The following DNAH17 variants were observed in gnomAD, a reference collection of about 807,000 sequenced individuals.
DNAH17 encodes the protein axonemal beta dynein heavy chain 17.
DNAH17 carries 376 observed loss-of-function variants against 485.6 expected under a neutral mutation model. That is an observed-to-expected ratio of 0.77 (90% CI 0.71 to 0.84). DNAH17 has a LOEUF of 0.84. Among genes scored for constraint, DNAH17 ranks in the 40% least tolerant of loss-of-function variants. The pLI, the probability that DNAH17 is intolerant of heterozygous loss-of-function variation, is 0.00. For synonymous variants in DNAH17, 3,031 were observed against 2,405.9 expected (o/e 1.26, Z -7.60); for missense variants, 6,370 against 5,839.3 (o/e 1.09, Z -2.96).
At chr17:78,461,910 A>C (rs1386837262) in intron 57 of DNAH17, among the ~76,000 whole-genome samples, 1 of 152,118 alleles carries the variant, frequency 6.6e-6, no homozygotes, top group East Asian at 1.9e-4. Context: ...CAGGGTCACA[A>C]GTATGAGACA....
rs1283960376 is a variant in DNAH17 at position 78,459,132 on chromosome 17, A to G, written c.9730T>C (p.Trp3244Arg). ...TAGAAGCGGACGATGTTGATGCACC[A>G]GGAGCACAGGCCGGCGGCGGCCGTG... ...KSTAAAGLCS[W>R]CINIVRFYEV... Residue 3244 changes from tryptophan to arginine, a missense_variant, in exon 61 of 81, where the codon TGG becomes CGG. Transcript: ENST00000389840. The G allele has an allele frequency of 6.2e-7, 1 of 1,614,020 alleles. No individual in the cohort carries two copies. Among genetic ancestry groups the G allele is most frequent in the East Asian group, 2.2e-5 (1 of 44,892 alleles).
chr17:78,433,923 A>AGGAAGGAGGGAGGGAAGGAGAGAG lies in DNAH17; in HGVS notation c.12225+105_12225+106insCTCTCTCCTTCCCTCCCTCCTTCC. The AGGAAGGAGGGAGGGAAGGAGAGAG allele has an allele frequency of 3.0e-5, 17 of 558,060 alleles. No individual in the cohort carries two copies. In the East Asian group the frequency reaches 6.1e-4, roughly 20 times the overall value. 34.6% of individuals were successfully genotyped at this position (558,060 alleles called of 1,614,324 possible). A position where few individuals can be genotyped will look rare whatever the true frequency, so the allele number is the denominator to read the frequency against. On this transcript the variant is annotated intron_variant, in intron 75 of 80. Coordinates refer to ENST00000389840, the MANE Select transcript of DNAH17 (RefSeq NM_173628.4). Reference sequence around the variant, plus strand: ...CAAAGACCAAAAGGAAAGGGAGGGAAGGAAGGAGGGAGGGAAGGAGGGAGG... The same window carrying AGGAAGGAGGGAGGGAAGGAGAGAG: ...CAAAGACCAAAAGGAAAGGGAGGGAAGGAAGGAGGGAGGGAAGGAGAGAGGGAAGGAGGGAGGGAAGGAGGGAGG...
chr17:78,548,030 G>GTT (rs1479143902), intron 16 of DNAH17, among the ~76,000 whole-genome samples: 1 of 151,970 alleles, frequency 6.6e-6, no homozygotes, highest in Non-Finnish European at 1.5e-5. Context: ...ATTGTCCTCC[G>GTT]TTTAATATAT....
At chr17:78,444,458 C>T in intron 71 of DNAH17, 146 bp downstream of exon 71, 1 of 743,592 alleles carries the variant, frequency 1.3e-6, no homozygotes, top group Non-Finnish European at 2.1e-6. Flanking sequence ...CCTCTAAGCC[C>T]TGTTTCGTTT....
chr17:78,507,152 A>G lies in DNAH17; in HGVS notation c.4676+126T>C, dbSNP rs982444916. On this transcript the variant is annotated intron_variant, in intron 29 of 80. Coordinates refer to ENST00000389840, the MANE Select transcript of DNAH17 (RefSeq NM_173628.4). ...GCTCCCCAGGGAAAGGCAATTGATT[A>G]ACCCAGGACCCATGGTTTTGCCCTG... The G allele has an allele frequency of 4.6e-6, 5 of 1,085,056 alleles. No individual in the cohort carries two copies. The African/African-American group carries it at 7.9e-5, about 17-fold the overall frequency. 67.2% of individuals were successfully genotyped at this position (1,085,056 alleles called of 1,614,324 possible).
chr17:78,575,810 A>C (rs948630029), intron 1 of DNAH17, among the ~76,000 whole-genome samples: 1 of 152,228 alleles, frequency 6.6e-6, no homozygotes, highest in African/African-American at 2.4e-5. Flanking sequence ...ATTTAAAGAC[A>C]CACCCAAACA....
chr17:78,544,121 T>A, intron 16 of DNAH17, 124 bp from the exon 17 acceptor site: 2 of 1,365,390 alleles, frequency 1.5e-6, no homozygotes, highest in Non-Finnish European at 2.0e-6. Flanking sequence ...TGGAGTCTAG[T>A]TCTCCACGAT....
chr17:78,539,943 T>A (rs1447738415), intron 17 of DNAH17, 63 bp from the exon 18 acceptor site: 7 of 1,466,756 alleles, frequency 4.8e-6, no homozygotes, highest in Non-Finnish European at 4.5e-6. Flanking sequence ...TTGATCACAC[T>A]GTTTAGTGCC....
At chr17:78,551,499 C>A (rs1259859724) in intron 16 of DNAH17, 36 bp downstream of exon 16, 1 of 1,603,410 alleles carries the variant, frequency 6.2e-7, no homozygotes, top group Non-Finnish European at 8.5e-7. Context: ...CCCAGGCCCC[C>A]ACAAAGCCCC....
rs55669221 is a variant in DNAH17, at chr17:78,544,800, C to CAAAAAAAAAAAA, written c.2392-815_2392-804dup. 4.1e-4 allele frequency among the ~76,000 whole-genome samples: 19 copies of CAAAAAAAAAAAA among 46,876 alleles called. 1 individual carries two copies. Among genetic ancestry groups the CAAAAAAAAAAAA allele is most frequent in the African/African-American group, 1.2e-3 (12 of 10,142 alleles). 30.8% of individuals were successfully genotyped at this position (46,876 alleles called of 152,430 possible). ...TGGGGCACAGAGCGAGACTCAGTCT[C>CAAAAAAAAAAAA]AAAAAAAAAAAAAAAAAAAAAAAAG... On this transcript the variant is annotated intron_variant, in intron 16 of 80. Transcript: ENST00000389840.
At chr17:78,471,295 A>G (rs1411397229) in intron 54 of DNAH17, among the ~76,000 whole-genome samples, 2 of 152,222 alleles carry the variant, frequency 1.3e-5, no homozygotes, top group Non-Finnish European at 2.9e-5. Flanking sequence ...ACAAGCTAAG[A>G]AAAAGCAAGG....
intron 48 of DNAH17, among the ~76,000 whole-genome samples, chr17:78,483,494 G>T (rs1285367045): frequency 6.6e-6 from 1 of 152,130 alleles, no homozygotes; most frequent in Non-Finnish European, 1.5e-5. Context: ...GGTGGGCATG[G>T]TGGCAGGCAC....
At position 78,486,344 on chromosome 17, in the gene DNAH17, G is replaced by A. The variant is rs754054410; in HGVS notation, c.6981C>T (p.Tyr2327=). The A allele has an allele frequency of 1.5e-5, 25 of 1,613,902 alleles. No homozygotes were observed. Among genetic ancestry groups the A allele is most frequent in the Non-Finnish European group, 2.1e-5 (25 of 1,179,850 alleles). Residue 2327 remains tyrosine, a synonymous_variant, in exon 45 of 81, where the codon TAC becomes TAT. Transcript: ENST00000389840. ...TCTCCGTGAGCAGGCACTCCAGCAG[G>A]TACAGAATCGTTTGGATCACCGTGA... ...PEITVIQTIL[Y]LLECLLTEKT...
In DNAH17 at chr17:78,445,620, A is replaced by T. The variant is rs747369587; in HGVS notation, c.11272T>A (p.Phe3758Ile). The T allele has an allele frequency of 3.8e-6, 6 of 1,568,746 alleles. No individual in the cohort carries two copies. The highest frequency in any genetic ancestry group is 5.2e-6 in the Non-Finnish European group (6 of 1,156,738). ...ACTGGTGAGACCACTCCGGCCTTAA[A>T]AGGGAACCGCAGGAGGAAATCCAGC... ...VELDFLLRFP[F>I]KAGVVSPVDF... Residue 3758 changes from phenylalanine (F) to isoleucine (I), a missense_variant, in exon 70 of 81, where the codon TTT becomes ATT. Coordinates refer to ENST00000389840, the MANE Select transcript of DNAH17 (RefSeq NM_173628.4).
intron 31 of DNAH17, 36 bp downstream of exon 31, chr17:78,505,257 T>A: frequency 6.2e-7 from 1 of 1,612,290 alleles, no homozygotes; most frequent in Non-Finnish European, 8.5e-7. Flanking sequence ...TGCACCCTTG[T>A]CCTGGGTTCC....
intron 54 of DNAH17, among the ~76,000 whole-genome samples, chr17:78,472,326 A>G (rs555035927): frequency 0.014 from 1,293 of 92,434 alleles, 26 homozygotes; most frequent in African/African-American, 0.047. Context: ...GGGTTAGGGA[A>G]TGGGGGTGCG....
chr17:78,555,917 T>C (rs947020707), intron 14 of DNAH17, among the ~76,000 whole-genome samples: 1 of 152,230 alleles, frequency 6.6e-6, no homozygotes, highest in Non-Finnish European at 1.5e-5. Context: ...GCCTTTGGAC[T>C]GGGATTTACA....
At chr17:78,452,329 G>A (rs781138419) in intron 65 of DNAH17, among the ~76,000 whole-genome samples, 20 of 152,110 alleles carry the variant, frequency 1.3e-4, no homozygotes, top group African/African-American at 3.6e-4. Flanking sequence ...CAAGCTCCAC[G>A]CATCAGCTGA....
intron 27 of DNAH17, among the ~76,000 whole-genome samples, chr17:78,509,303 A>G: frequency 6.6e-6 from 1 of 151,530 alleles, no homozygotes. Flanking sequence ...TTTTTTTTGT[A>G]GAGATGGGGT....
Sources: gnomAD v4.1 joint callset for allele counts (sites outside exome capture counted in the v4.1 genomes callset) on GRCh38, gnomAD v4.1.1 for gene constraint, MANE v1.5 for transcripts, NCBI Gene and HGNC (gene_info 2026-07-23, HGNC 2026-07-21) for gene names.